PLCL1: variants seen among roughly 807,000 people sequenced by gnomAD.
PLCL1 encodes phospholipase C like 1 (inactive).
A neutral mutation model predicts 84.4 loss-of-function variants in PLCL1; 41 were observed. The ratio of observed to expected loss-of-function variants is 0.49; its 90% CI spans 0.38 to 0.63. PLCL1 has a LOEUF of 0.63. PLCL1 is among the 30% of genes least tolerant of loss of function. The pLI is 0.00. For missense variants in PLCL1, 1,206 were observed against 1,367.8 expected, an observed-to-expected ratio of 0.88 and a Z score of 1.87; for synonymous variants, 490 against 488.3, an observed-to-expected ratio of 1.00 and a Z score of -0.05.
intron 1 of PLCL1, among the ~76,000 whole-genome samples, chr2:197,990,270 A>T (rs111966896): frequency 0.017 from 2,559 of 152,290 alleles, 76 homozygotes; most frequent in African/African-American, 0.059. Context: ...ATTCCTAGAG[A>T]TATGAGTTTG....
chr2:197,861,839 C>CT (rs1687438912), intron 1 of PLCL1, among the ~76,000 whole-genome samples: 1 of 152,270 alleles, frequency 6.6e-6, no homozygotes, highest in East Asian at 1.9e-4. Flanking sequence ...GAGAAACTGA[C>CT]TTTGTTTTTT....
At chr2:198,076,796 T>C (rs1010704641) in intron 1 of PLCL1, among the ~76,000 whole-genome samples, 2 of 152,232 alleles carry the variant, frequency 1.3e-5, no homozygotes, top group African/African-American at 2.4e-5. Context: ...AATTCTATAG[T>C]TGCAGACTTC....
At position 197,992,734 on chromosome 2, in the gene PLCL1, C is replaced by T. The variant is rs191847723; in HGVS notation, c.241-91024C>T. Among the ~76,000 whole-genome samples, 8 of 152,314 alleles carry T rather than the reference C, an allele frequency of 5.3e-5. No individual in the cohort carries two copies. In the East Asian group the frequency reaches 1.5e-3, roughly 29 times the overall value. Reference sequence around the variant, plus strand: ...GCTCCTCCCTCCAGCTCCTGGCAACCACCATTCTCCTTTCTGTTTCTATGA... The same window carrying T: ...GCTCCTCCCTCCAGCTCCTGGCAACTACCATTCTCCTTTCTGTTTCTATGA... On this transcript the variant is annotated intron_variant, in intron 1 of 5. Coordinates refer to ENST00000428675, the MANE Select transcript of PLCL1 (RefSeq NM_006226.4).
At chr2:198,035,959 C>G (rs1291023240) in intron 1 of PLCL1, among the ~76,000 whole-genome samples, 1 of 152,168 alleles carries the variant, frequency 6.6e-6, no homozygotes, top group African/African-American at 2.4e-5. Context: ...ATCCCTTGAA[C>G]CCAGTAGGTA....
At chr2:197,964,164 A>G (rs958581674) in intron 1 of PLCL1, among the ~76,000 whole-genome samples, 6 of 152,136 alleles carry the variant, frequency 3.9e-5, no homozygotes, top group African/African-American at 1.4e-4. Context: ...TAGAGATGGC[A>G]TTGAATCTGT....
intron 3 of PLCL1, among the ~76,000 whole-genome samples, chr2:198,097,207 A>G (rs1693221654): frequency 6.6e-6 from 1 of 152,198 alleles, no homozygotes; most frequent in Non-Finnish European, 1.5e-5. Context: ...TTCTTGGGGT[A>G]TGGAAACTTC....
chr2:198,058,035 C>G (rs781627235), intron 1 of PLCL1, among the ~76,000 whole-genome samples: 35 of 152,080 alleles, frequency 2.3e-4, no homozygotes, highest in Non-Finnish European at 4.4e-4. Context: ...TAAAACTTAC[C>G]TATTTTGAAT....
intron 5 of PLCL1, among the ~76,000 whole-genome samples, chr2:198,142,507 G>T (rs1694412834): frequency 6.6e-6 from 1 of 152,094 alleles, no homozygotes; most frequent in Non-Finnish European, 1.5e-5. Context: ...CAGTTGGAAA[G>T]ATTTAATAAG....
At chr2:198,101,831 G>C (rs778325606) in intron 4 of PLCL1, among the ~76,000 whole-genome samples, 1 of 152,050 alleles carries the variant, frequency 6.6e-6, no homozygotes, top group South Asian at 2.1e-4. Context: ...ATATCTGTGA[G>C]AGTGTACTTG....
chr2:198,103,777 C>A, intron 4 of PLCL1, 50 bp from the exon 5 acceptor site: 1 of 827,204 alleles, frequency 1.2e-6, no homozygotes, highest in Admixed American at 2.6e-5. Flanking sequence ...ATAAGATGCC[C>A]ATTTTTCTGA....
intron 1 of PLCL1, among the ~76,000 whole-genome samples, chr2:197,820,300 A>G (rs1024593452): frequency 6.6e-6 from 1 of 152,064 alleles, no homozygotes; most frequent in Admixed American, 6.6e-5. Context: ...GTTGCTACAA[A>G]CTTAGTGGCT....
intron 1 of PLCL1, among the ~76,000 whole-genome samples, chr2:197,895,356 A>T (rs1688114840): frequency 6.6e-6 from 1 of 152,010 alleles, no homozygotes. Context: ...CATCTAAGAG[A>T]AGAATATAGG....
At chr2:197,916,665 G>A (rs1004396225) in intron 1 of PLCL1, among the ~76,000 whole-genome samples, 3 of 151,648 alleles carry the variant, frequency 2.0e-5, no homozygotes. Context: ...TTCAGAGAAG[G>A]CCAATTCAAA....
chr2:198,049,187 A>T (rs1376983264), intron 1 of PLCL1, among the ~76,000 whole-genome samples: 1 of 152,224 alleles, frequency 6.6e-6, no homozygotes, highest in Non-Finnish European at 1.5e-5. Flanking sequence ...AATCACTGAG[A>T]TTGTTTTGCT....
intron 5 of PLCL1, among the ~76,000 whole-genome samples, chr2:198,123,585 A>C (rs1320040035): frequency 6.6e-6 from 1 of 152,010 alleles, no homozygotes; most frequent in Non-Finnish European, 1.5e-5. Context: ...CTCAGAAGAA[A>C]CCAACCCTGC....
intron 1 of PLCL1, among the ~76,000 whole-genome samples, chr2:197,891,913 T>C (rs975786686): frequency 1.4e-4 from 22 of 152,162 alleles, no homozygotes; most frequent in African/African-American, 5.1e-4. Context: ...GGCCCTAATC[T>C]GTGCACTACA....
chr2:197,892,867 C>T (rs569887477), intron 1 of PLCL1, among the ~76,000 whole-genome samples: 11 of 152,092 alleles, frequency 7.2e-5, no homozygotes, highest in South Asian at 2.1e-4. Context: ...TGGTGGCACG[C>T]GCCTGTAGTC....
chr2:198,025,934 A>G (rs1691253566), intron 1 of PLCL1, among the ~76,000 whole-genome samples: 1 of 152,182 alleles, frequency 6.6e-6, no homozygotes, highest in African/African-American at 2.4e-5. Context: ...TGGACCAGAG[A>G]TTTTGTTCAA....
At position 198,085,269 on chromosome 2, in the gene PLCL1, GCTCT is replaced by G; in HGVS notation, c.1755_1758del (p.Ser586IlefsTer18). ...AGAAGCAAATCCGACTCTGTAGGGAGCTCTCTGATTTGGTGTCTATTTGTAAATC... is the reference window on the plus strand; with the variant it reads ...AGAAGCAAATCCGACTCTGTAGGGAGCTGATTTGGTGTCTATTTGTAAATC... On this transcript the variant is annotated frameshift_variant, in exon 2 of 6. Transcript: ENST00000428675. LOFTEE classifies it high-confidence loss of function. This position sits in a 1 kb window ranked among gnomAD's most constrained non-coding sequence, Gnocchi z 5.3. 1 of 1,613,954 alleles carries G rather than the reference GCTCT, an allele frequency of 6.2e-7. No individual in the cohort carries two copies. The highest frequency in any genetic ancestry group is 8.5e-7 in the Non-Finnish European group (1 of 1,179,852).
Sources: allele counts gnomAD v4.1 joint callset (sites outside exome capture counted in the v4.1 genomes callset), GRCh38; gene constraint gnomAD v4.1.1; non-coding constraint Gnocchi (gnomAD v3.1); transcripts MANE v1.5; gene names NCBI Gene and HGNC (gene_info 2026-07-23, HGNC 2026-07-21).